ZFHX3: variants seen among roughly 807,000 people sequenced by gnomAD.
ZFHX3 encodes zinc finger homeobox protein 3.
A neutral mutation model predicts 279.1 loss-of-function variants in ZFHX3; 42 were observed. The observed-to-expected ratio is 0.15, with a 90% CI of 0.12 to 0.19. The LOEUF is 0.19. ZFHX3 is among the 10% of genes least tolerant of loss of function. The pLI is 1.00. For missense variants in ZFHX3, 4,981 were observed against 4,754.0 expected (o/e 1.05, Z -1.40); for synonymous variants, 2,293 against 1,957.8 (o/e 1.17, Z -4.52).
chr16:73,780,251 G>C (rs1959419565), intron 1 of ZFHX3, among the ~76,000 whole-genome samples: 1 of 142,216 alleles, frequency 7.0e-6, no homozygotes, highest in African/African-American at 2.6e-5. Context: ...GGGTTCAAGT[G>C]ATTCTTGTGC....
At chr16:73,682,904 A>AAG (rs1365693307) in intron 1 of ZFHX3, among the ~76,000 whole-genome samples, 49 of 44,728 alleles carry the variant, frequency 1.1e-3, no homozygotes, top group African/African-American at 1.8e-3. Context: ...GAAAGAAAGA[A>AAG]AGAGAAAGAA....
chr16:72,786,392 A>ACTC lies in ZFHX3; in HGVS notation c.*769_*771dup, dbSNP rs1334227375. 6.6e-6 allele frequency: 1 copy of ACTC among 151,104 alleles called. No homozygotes were observed. Among genetic ancestry groups the ACTC allele is most frequent in the Non-Finnish European group, 1.5e-5 (1 of 67,798 alleles). The allele number at this position is 151,104 out of a possible 1,614,324, so 9.4% of individuals were successfully genotyped here. ...TTTTTTTAAGCTACAAGTCCTCAAC[A>ACTC]CTCTTTGTGTGTGTGGGTTATTATT... On this transcript the variant is annotated 3_prime_UTR_variant, in exon 10 of 10. Transcript: ENST00000268489.
At chr16:72,917,240 CAATA>C (rs1387053237) in intron 3 of ZFHX3, among the ~76,000 whole-genome samples, 6 of 152,000 alleles carry the variant, frequency 3.9e-5, no homozygotes, top group African/African-American at 1.5e-4. Context: ...CACCCTGTCT[CAATA>C]AATAAATAAA....
chr16:73,784,796 AATATATAT>A (rs1555501447), intron 1 of ZFHX3, among the ~76,000 whole-genome samples: 13 of 131,110 alleles, frequency 9.9e-5, no homozygotes, highest in African/African-American at 3.7e-4. Context: ...TAAAAAAAAA[AATATATAT>A]ATATATATAT....
chr16:73,253,647 G>A (rs988347023), intron 5 of ZFHX3, among the ~76,000 whole-genome samples: 2 of 151,834 alleles, frequency 1.3e-5, no homozygotes, highest in African/African-American at 2.4e-5. Context: ...AGTAGAGAAG[G>A]GGTTTCACCG....
chr16:73,168,264 T>TTTCTTTCTTTC (rs1967437580), intron 5 of ZFHX3, among the ~76,000 whole-genome samples: 2 of 150,468 alleles, frequency 1.3e-5, no homozygotes, highest in East Asian at 2.0e-4. Flanking sequence ...TCTTTCTTTC[T>TTTCTTTCTTTC]TTCTTTCTTT....
intron 3 of ZFHX3, among the ~76,000 whole-genome samples, chr16:73,349,495 T>A (rs1004055713): frequency 1.3e-5 from 2 of 152,208 alleles, no homozygotes; most frequent in Admixed American, 6.5e-5. Flanking sequence ...GGGGTGATCT[T>A]GTTTAATTTT....
chr16:73,066,637 C>T (rs1015768807), intron 8 of ZFHX3, among the ~76,000 whole-genome samples: 1 of 152,146 alleles, frequency 6.6e-6, no homozygotes, highest in Non-Finnish European at 1.5e-5. Context: ...CCCCATTATG[C>T]CCCTGCGGAT....
intron 2 of ZFHX3, among the ~76,000 whole-genome samples, chr16:73,540,452 C>T (rs1029518638): frequency 2.0e-5 from 3 of 152,162 alleles, no homozygotes; most frequent in Non-Finnish European, 4.4e-5. Flanking sequence ...AACTTTTAGT[C>T]GCATCAAAAT....
chr16:73,733,368 C>G (rs2053584506), intron 1 of ZFHX3, among the ~76,000 whole-genome samples: 1 of 152,144 alleles, frequency 6.6e-6, no homozygotes, highest in Admixed American at 6.5e-5. Context: ...CTCTATCAGC[C>G]ATGACTTTTC....
intron 4 of ZFHX3, among the ~76,000 whole-genome samples, chr16:72,888,483 G>T (rs1484697825): frequency 1.3e-5 from 2 of 152,214 alleles, no homozygotes; most frequent in Non-Finnish European, 2.9e-5. Context: ...AAAGGCATTT[G>T]GCAGCACCAG....
At chr16:73,794,155 T>C (rs1959918184) in intron 1 of ZFHX3, 1 of 152,190 alleles carries the variant, frequency 6.6e-6, no homozygotes, top group Non-Finnish European at 1.5e-5. Flanking sequence ...GGGAAAGTGA[T>C]TGGAGCAGGC....
intron 1 of ZFHX3, among the ~76,000 whole-genome samples, chr16:72,961,560 A>T (rs1368972216): frequency 2.7e-5 from 4 of 148,074 alleles, no homozygotes; most frequent in Non-Finnish European, 6.0e-5. Flanking sequence ...TCTCATTCAC[A>T]CTCAGCCGGT....
rs2035448215 is a variant in ZFHX3, at chr16:72,787,448, G to A, written c.10828C>T (p.Pro3610Ser). Residue 3610 changes from proline to serine, a missense_variant, in exon 10 of 10, where the codon CCC (proline) becomes TCC (serine). Physicochemically the swap from Pro to Ser is moderately conservative, Grantham distance 74. Transcript: ENST00000268489. Reference sequence around the variant, plus strand: ...GGCCAAGACTTCCTGGAGGCGTGGGGGGAAGCGGAGGAGGGGGCGGCGGCC... The same window carrying A: ...GGCCAAGACTTCCTGGAGGCGTGGGAGGAAGCGGAGGAGGGGGCGGCGGCC... ...PSAAAPSSAS[P>S]HASRKSWPQV... is the part of the protein sequence containing the mutation. The A allele has an allele frequency of 6.2e-7, 1 of 1,605,132 alleles. No individual in the cohort carries two copies. Among genetic ancestry groups the A allele is most frequent in the Non-Finnish European group, 8.5e-7 (1 of 1,174,454 alleles).
At chr16:72,862,503 G>A (rs2037912429) in intron 4 of ZFHX3, among the ~76,000 whole-genome samples, 1 of 152,154 alleles carries the variant, frequency 6.6e-6, no homozygotes, top group African/African-American at 2.4e-5. Context: ...ATAATAGAAT[G>A]AGAATATCAT....
chr16:73,500,922 C>T (rs939783419), intron 2 of ZFHX3, among the ~76,000 whole-genome samples: 4 of 152,226 alleles, frequency 2.6e-5, no homozygotes, highest in African/African-American at 9.6e-5. Context: ...GTGTACAATG[C>T]TTACAGTCTA....
chr16:72,975,197 T>C (rs1962296067), intron 1 of ZFHX3, among the ~76,000 whole-genome samples: 1 of 152,104 alleles, frequency 6.6e-6, no homozygotes, highest in Non-Finnish European at 1.5e-5. Flanking sequence ...ATCCCAGCAC[T>C]TTGGGAGGCC....
At chr16:72,907,229 T>C (rs2039198924) in intron 3 of ZFHX3, among the ~76,000 whole-genome samples, 1 of 152,178 alleles carries the variant, frequency 6.6e-6, no homozygotes, top group East Asian at 1.9e-4. Context: ...TATAATAGCA[T>C]AAGGCCAGAG....
In ZFHX3 at chr16:72,850,124, G is replaced by A. The variant is rs578225822; in HGVS notation, c.3449-20265C>T. On this transcript the variant is annotated intron_variant, in intron 4 of 9. Transcript: ENST00000268489. The stretch of plus-strand genomic sequence containing the variant: ...CTGGACTAGGGACAACACTCCAGAT[G>A]GGACCAGCCTGAAAACACAAGCCAC... 3.3e-5 allele frequency among the ~76,000 whole-genome samples: 5 copies of A among 152,276 alleles called. No homozygotes were observed. In the South Asian group the frequency reaches 8.3e-4, roughly 25 times the overall value.
Sources: gnomAD v4.1 joint callset for allele counts (sites outside exome capture counted in the v4.1 genomes callset) on GRCh38, gnomAD v4.1.1 for gene constraint, MANE v1.5 for transcripts, NCBI Gene and HGNC (gene_info 2026-07-23, HGNC 2026-07-21) for gene names.